The following ADGRL3 variants were observed in gnomAD, a reference collection of about 807,000 sequenced individuals.
ADGRL3 encodes the protein adhesion G protein-coupled receptor L3, also known as calcium-independent alpha-latrotoxin receptor 3.
Under a neutral mutation model 153.5 loss-of-function variants are expected in ADGRL3, and 62 were observed. The observed-to-expected ratio is 0.40, with a 90% CI of 0.33 to 0.50. The LOEUF (loss-of-function observed/expected upper bound fraction) is 0.50. Ranked by LOEUF, ADGRL3 falls within the 20% of genes least tolerant of loss-of-function variation. ADGRL3 has a pLI of 0.47. For synonymous variants in ADGRL3, 710 were observed against 672.5 expected, an observed-to-expected ratio of 1.06 and a Z score of -0.86; for missense variants, 1,641 against 1,859.4, an observed-to-expected ratio of 0.88 and a Z score of 2.16.
chr4:61,547,083 A>T (rs2098717264), intron 4 of ADGRL3, among the ~76,000 whole-genome samples: 1 of 152,268 alleles, frequency 6.6e-6, no homozygotes, highest in South Asian at 2.1e-4. Context: ...AGCATTGTGT[A>T]TTTCTTTATT....
At chr4:61,668,131 A>T (rs2094864941) in intron 5 of ADGRL3, among the ~76,000 whole-genome samples, 1 of 152,184 alleles carries the variant, frequency 6.6e-6, no homozygotes, top group Non-Finnish European at 1.5e-5. Context: ...TTGGATTATC[A>T]AGGTGGGCCA....
intron 25 of ADGRL3, among the ~76,000 whole-genome samples, chr4:62,061,374 T>A (rs1740068864): frequency 1.3e-5 from 2 of 151,238 alleles, no homozygotes; most frequent in African/African-American, 4.9e-5. Context: ...TCATATCTTG[T>A]GAAACTATAC....
rs1208656391 is a variant in ADGRL3, at chr4:61,497,109, T to A, written c.-173-12T>A. 1 of 553,730 alleles carries A rather than the reference T, an allele frequency of 1.8e-6. No individual in the cohort carries two copies. Among genetic ancestry groups the A allele is most frequent in the African/African-American group, 2.0e-5 (1 of 50,936 alleles). 34.3% of individuals were successfully genotyped at this position (553,730 alleles called of 1,614,324 possible). ...TTTTATACAATAACCCTTTTTTTTT[T>A]CTTTTTTGCAGGTTTCAGATTTGGG... is the stretch of plus-strand genomic sequence containing the variant. On this transcript the variant is annotated splice_polypyrimidine_tract_variant and intron_variant, in intron 2 of 26. Transcript: ENST00000683033.
intron 17 of ADGRL3, among the ~76,000 whole-genome samples, chr4:61,971,462 C>T (rs978275770): frequency 3.9e-5 from 6 of 152,132 alleles, no homozygotes; most frequent in Non-Finnish European, 8.8e-5. Flanking sequence ...CCAATTTCAT[C>T]CATGTCCCTA....
At chr4:61,367,706 A>G (rs1179932147) in intron 1 of ADGRL3, among the ~76,000 whole-genome samples, 3 of 142,010 alleles carry the variant, frequency 2.1e-5, no homozygotes, top group East Asian at 2.0e-4. Flanking sequence ...ATACGTGTGC[A>G]TGTGTCTTTA....
chr4:61,597,567 TACAA>T (rs1399663944), intron 5 of ADGRL3, among the ~76,000 whole-genome samples: 1 of 151,992 alleles, frequency 6.6e-6, no homozygotes, highest in Non-Finnish European at 1.5e-5. Flanking sequence ...TCTTTACCAA[TACAA>T]ACATTTTTTA....
chr4:61,965,240 C>T (rs1171882398), intron 17 of ADGRL3, among the ~76,000 whole-genome samples: 3 of 151,930 alleles, frequency 2.0e-5, no homozygotes, highest in African/African-American at 4.8e-5. Flanking sequence ...CTCAAGCGAT[C>T]CCCCCGCCAT....
intron 8 of ADGRL3, among the ~76,000 whole-genome samples, chr4:61,755,877 A>C (rs1170085524): frequency 6.6e-6 from 1 of 152,026 alleles, no homozygotes; most frequent in African/African-American, 2.4e-5. Flanking sequence ...TAAATAGGGA[A>C]TCCTTTCCCC....
At chr4:61,477,025 A>G (rs552468854) in intron 2 of ADGRL3, among the ~76,000 whole-genome samples, 80 of 152,212 alleles carry the variant, frequency 5.3e-4, no homozygotes, top group Non-Finnish European at 1.8e-4. Flanking sequence ...AAATAAATGA[A>G]AAAATATTTT....
intron 1 of ADGRL3, among the ~76,000 whole-genome samples, chr4:61,255,417 G>A (rs1252783887): frequency 6.6e-6 from 1 of 152,110 alleles, no homozygotes; most frequent in East Asian, 1.9e-4. Context: ...GGAGAAGACT[G>A]TCATGAGTGA....
chr4:61,786,037 G>T (rs765495008), intron 8 of ADGRL3, among the ~76,000 whole-genome samples: 4 of 152,124 alleles, frequency 2.6e-5, no homozygotes, highest in Non-Finnish European at 5.9e-5. Flanking sequence ...AGACAATAGA[G>T]ATTTTTTTAT....
chr4:61,396,793 A>T (rs938594968), intron 2 of ADGRL3, among the ~76,000 whole-genome samples: 10 of 151,882 alleles, frequency 6.6e-5, no homozygotes, highest in Non-Finnish European at 1.3e-4. Context: ...TTCAATGCTA[A>T]TAACATGTAT....
At chr4:61,350,055 A>C (rs2151298483) in intron 1 of ADGRL3, among the ~76,000 whole-genome samples, 1 of 152,308 alleles carries the variant, frequency 6.6e-6, no homozygotes, top group South Asian at 2.1e-4. Context: ...AAAGTTCATT[A>C]ATTTCCCAAA....
At chr4:61,755,557 C>T (rs1311137273) in intron 8 of ADGRL3, among the ~76,000 whole-genome samples, 11 of 152,156 alleles carry the variant, frequency 7.2e-5, no homozygotes, top group Admixed American at 1.3e-4. Context: ...AATTTTCTCC[C>T]GTTCTGTAGG....
At chr4:61,601,432 T>G (rs114986188) in intron 5 of ADGRL3, among the ~76,000 whole-genome samples, 513 of 152,330 alleles carry the variant, frequency 3.4e-3, no homozygotes, top group South Asian at 5.6e-3. Flanking sequence ...TTAAACACAA[T>G]TTTAAAAATA....
intron 1 of ADGRL3, among the ~76,000 whole-genome samples, chr4:61,220,033 G>C (rs891011459): frequency 6.6e-6 from 1 of 151,448 alleles, no homozygotes; most frequent in Non-Finnish European, 1.5e-5. Context: ...GCTTGAACCT[G>C]GGGGGCGGAG....
intron 17 of ADGRL3, among the ~76,000 whole-genome samples, chr4:61,960,640 A>G (rs2098984170): frequency 6.6e-6 from 1 of 152,192 alleles, no homozygotes; most frequent in African/African-American, 2.4e-5. Context: ...AGCCATGCCC[A>G]TGTGCAGATC....
intron 5 of ADGRL3, among the ~76,000 whole-genome samples, chr4:61,622,967 G>GT (rs530250432): frequency 4.3e-4 from 66 of 152,056 alleles, no homozygotes; most frequent in African/African-American, 8.7e-4. Context: ...TTCCTCATGA[G>GT]TTTTTTTATT....
At chr4:61,520,684 GTC>G (rs1553953056) in intron 4 of ADGRL3, among the ~76,000 whole-genome samples, 2 of 148,826 alleles carry the variant, frequency 1.3e-5, no homozygotes, top group African/African-American at 2.5e-5. Flanking sequence ...GTGTGTGTGT[GTC>G]TGTCTGTCTG....
Sources: allele counts gnomAD v4.1 joint callset (sites outside exome capture counted in the v4.1 genomes callset), GRCh38; gene constraint gnomAD v4.1.1; transcripts MANE v1.5; gene names NCBI Gene and HGNC (gene_info 2026-07-23, HGNC 2026-07-21).